Variants in COG5 observed in about 807,000 individuals in gnomAD.
The protein encoded by COG5 is component of oligomeric golgi complex 5.
A neutral mutation model predicts 110.4 loss-of-function variants in COG5; 86 were observed. The ratio of observed to expected loss-of-function variants is 0.78; its 90% CI spans 0.65 to 0.93. The LOEUF is 0.93. Among genes scored for constraint, COG5 ranks in the 40% least tolerant of loss-of-function variants. COG5 has a pLI of 0.00. For synonymous variants in COG5, 360 were observed against 334.6 expected (o/e 1.08, Z -0.83); for missense variants, 1,077 against 987.0 (o/e 1.09, Z -1.22).
chr7:107,378,088 T>TTGCTGTTCTGCAACCTC, intron 7 of COG5, among the ~76,000 whole-genome samples: 1 of 152,174 alleles, frequency 6.6e-6, no homozygotes, highest in Admixed American at 6.5e-5. Context: ...GCAGCAATCT[T>TTGCTGTTCTGCAACCTC]TGCTGTTCTG....
At chr7:107,248,790 G>T (rs1286505548) in intron 16 of COG5, among the ~76,000 whole-genome samples, 1 of 152,160 alleles carries the variant, frequency 6.6e-6, no homozygotes, top group Non-Finnish European at 1.5e-5. Flanking sequence ...TACGCAAGAA[G>T]ACAGTAGTTC....
rs112717878 is a variant in COG5, at chr7:107,378,924, A to G, written c.670-6164T>C. On this transcript the variant is annotated intron_variant, in intron 7 of 21. Coordinates refer to ENST00000297135, the MANE Select transcript of COG5 (RefSeq NM_006348.5). ...TTCAAATTCAGGAAATACAGAGAAC[A>G]CCACAAAGATACTCCTCAAGAGGAG... Among the ~76,000 whole-genome samples the G allele has an allele frequency of 6.6e-5, 10 of 152,276 alleles. 3 individuals carry two copies. Among genetic ancestry groups the G allele is most frequent in the African/African-American group, 2.4e-4 (10 of 41,552 alleles).
At chr7:107,544,792 T>C (rs1318955942) in intron 5 of COG5, among the ~76,000 whole-genome samples, 2 of 152,222 alleles carry the variant, frequency 1.3e-5, no homozygotes, top group African/African-American at 4.8e-5. Context: ...ACATTAAAGA[T>C]ATTGAGGTTT....
intron 7 of COG5, among the ~76,000 whole-genome samples, chr7:107,381,222 T>TA (rs1815088068): frequency 6.6e-6 from 1 of 152,224 alleles, no homozygotes; most frequent in Non-Finnish European, 1.5e-5. Context: ...TAAAAAGGCT[T>TA]CCCAAAATCA....
chr7:107,350,096 G>A (rs143848587), intron 10 of COG5, among the ~76,000 whole-genome samples: 2 of 152,242 alleles, frequency 1.3e-5, no homozygotes, highest in African/African-American at 4.8e-5. Context: ...ATAGATGTTG[G>A]ATTCTGTCAA....
chr7:107,283,437 A>AC, intron 13 of COG5, 134 bp downstream of exon 13: 1 of 723,780 alleles, frequency 1.4e-6, no homozygotes. Context: ...CTCATTTACT[A>AC]TAAAATTCTT....
intron 11 of COG5, among the ~76,000 whole-genome samples, chr7:107,306,961 C>T (rs1807773799): frequency 6.6e-6 from 1 of 152,124 alleles, no homozygotes; most frequent in Non-Finnish European, 1.5e-5. Flanking sequence ...ATTTTTAGCA[C>T]CTCACTTTCT....
At chr7:107,210,992 A>G in intron 20 of COG5, 107 bp downstream of exon 20, 1 of 1,318,710 alleles carries the variant, frequency 7.6e-7, no homozygotes, top group Non-Finnish European at 1.1e-6. Context: ...ATAAGCAACT[A>G]AACAAAGCAG....
rs528790547 is a variant in COG5 at position 107,403,916 on chromosome 7, A to T, written c.669+8586T>A. Reference sequence around the variant, plus strand: ...AGGTGACTCTATTATTATTATTATTATTATTACTATTTTTATGATTTTAGT... The same window carrying T: ...AGGTGACTCTATTATTATTATTATTTTTATTACTATTTTTATGATTTTAGT... On this transcript the variant is annotated intron_variant, in intron 7 of 21. Transcript: ENST00000297135. Among the ~76,000 whole-genome samples the T allele has an allele frequency of 1.6e-3, 243 of 152,134 alleles. 1 individual carries two copies. Among genetic ancestry groups the T allele is most frequent in the African/African-American group, 5.4e-3 (225 of 41,538 alleles).
intron 6 of COG5, among the ~76,000 whole-genome samples, chr7:107,489,582 C>A (rs949365456): frequency 5.3e-5 from 8 of 151,976 alleles, no homozygotes; most frequent in African/African-American, 1.9e-4. Context: ...AACAAGTTCA[C>A]CCATTGTTAA....
intron 10 of COG5, among the ~76,000 whole-genome samples, chr7:107,355,470 A>G (rs1306930085): frequency 2.0e-5 from 3 of 152,228 alleles, no homozygotes; most frequent in Non-Finnish European, 4.4e-5. Flanking sequence ...AAAACCACAC[A>G]ATAATGTCTA....
chr7:107,413,526 G>C (rs1362512235), intron 6 of COG5, among the ~76,000 whole-genome samples: 3 of 145,736 alleles, frequency 2.1e-5, no homozygotes, highest in African/African-American at 8.2e-5. Context: ...AGCAACAGAG[G>C]GAAAAAAACA....
At chr7:107,268,217 C>T (rs1803958197) in intron 14 of COG5, among the ~76,000 whole-genome samples, 1 of 152,180 alleles carries the variant, frequency 6.6e-6, no homozygotes, top group South Asian at 2.1e-4. Context: ...ATCCGCCTGC[C>T]TCGGCCTCCC....
At chr7:107,489,943 A>C (rs1797884741) in intron 6 of COG5, among the ~76,000 whole-genome samples, 1 of 152,174 alleles carries the variant, frequency 6.6e-6, no homozygotes, top group Admixed American at 6.6e-5. Flanking sequence ...CTTCAATGAG[A>C]TAAGCACAAA....
intron 21 of COG5, 99 bp downstream of exon 21, chr7:107,210,427 T>A (rs1014052955): frequency 1.2e-5 from 18 of 1,523,646 alleles, no homozygotes; most frequent in Middle Eastern, 2.4e-4. Flanking sequence ...TGCAGTCACA[T>A]GTCCATGCCC....
chr7:107,215,857 C>T (rs1422381576), intron 19 of COG5, among the ~76,000 whole-genome samples: 5 of 151,632 alleles, frequency 3.3e-5, no homozygotes, highest in African/African-American at 1.2e-4. Context: ...CTAGAGGCGC[C>T]TGCCACCACA....
chr7:107,472,850 T>G (rs1796720151), intron 6 of COG5: 1 of 151,960 alleles, frequency 6.6e-6, no homozygotes, highest in Non-Finnish European at 1.5e-5. Context: ...GCAGTTGAAA[T>G]GCTGTATTTG....
intron 10 of COG5, among the ~76,000 whole-genome samples, chr7:107,324,863 G>A (rs750572109): frequency 1.3e-5 from 2 of 151,932 alleles, no homozygotes; most frequent in African/African-American, 2.4e-5. Context: ...AAAAGTCTTG[G>A]GACAATGCCT....
intron 5 of COG5, among the ~76,000 whole-genome samples, chr7:107,530,298 C>T (rs775016126): frequency 2.1e-4 from 32 of 152,076 alleles, no homozygotes; most frequent in Non-Finnish European, 4.3e-4. Flanking sequence ...CCAGATTTAT[C>T]TTCTTAAAAA....
Sources: gnomAD v4.1 joint callset for allele counts (sites outside exome capture counted in the v4.1 genomes callset) on GRCh38, gnomAD v4.1.1 for gene constraint, MANE v1.5 for transcripts, NCBI Gene and HGNC (gene_info 2026-07-23, HGNC 2026-07-21) for gene names.